Variants in TMEM117 observed in about 807,000 individuals in gnomAD.
The protein encoded by TMEM117 is transmembrane protein 117.
In TMEM117, 27 loss-of-function variants were observed where a neutral mutation model predicts 52.4. That is an observed-to-expected ratio of 0.51 (90% CI 0.38 to 0.71). The LOEUF is 0.71. TMEM117 is among the 30% of genes least tolerant of loss of function. The pLI, the probability that TMEM117 is intolerant of heterozygous loss-of-function variation, is 0.00. For missense variants in TMEM117, 556 were observed against 630.5 expected (o/e 0.88, Z 1.26); for synonymous variants, 215 against 206.3 (o/e 1.04, Z -0.36).
rs375724764 is a variant in TMEM117, at chr12:43,867,480, C to T, written c.277+22552C>T. On this transcript the variant is annotated intron_variant, in intron 2 of 7. Transcript: ENST00000266534. ...AGCAAAGTGGTAGACCTAAATCCAA[C>T]TGTATAATTTTTTACGCAGAAAAAC... is the stretch of plus-strand genomic sequence containing the variant. Among the ~76,000 whole-genome samples the T allele has an allele frequency of 9.9e-5, 15 of 152,278 alleles. 2 individuals carry two copies. The South Asian group carries it at 3.1e-3, about 32-fold the overall frequency.
At chr12:44,007,638 C>G (rs937032150) in intron 3 of TMEM117, among the ~76,000 whole-genome samples, 1 of 152,136 alleles carries the variant, frequency 6.6e-6, no homozygotes, top group South Asian at 2.1e-4. Context: ...TGGCTGTGTC[C>G]CCACCCAAAT....
At chr12:44,152,641 T>G (rs1462675320) in intron 4 of TMEM117, among the ~76,000 whole-genome samples, 195 of 129,430 alleles carry the variant, frequency 1.5e-3, no homozygotes, top group Non-Finnish European at 2.8e-3. Flanking sequence ...ATATATAAAT[T>G]TTTATATATA....
intron 3 of TMEM117, among the ~76,000 whole-genome samples, chr12:44,026,485 C>A (rs976156245): frequency 6.6e-6 from 1 of 152,180 alleles, no homozygotes; most frequent in Admixed American, 6.6e-5. Context: ...CCCTGACCTT[C>A]TCATCAGTGG....
At chr12:43,831,633 T>G (rs1188630231), upstream of TMEM117, among the ~76,000 whole-genome samples, 6 of 151,248 alleles carry the variant, frequency 4.0e-5, no homozygotes, top group Admixed American at 3.3e-4. Flanking sequence ...AACCTCCACC[T>G]CCCAGGTTCA....
At chr12:44,202,579 A>C (rs751030549) in intron 4 of TMEM117, among the ~76,000 whole-genome samples, 4 of 152,190 alleles carry the variant, frequency 2.6e-5, no homozygotes, top group Non-Finnish European at 5.9e-5. Context: ...GTGTATGTTC[A>C]TCAGGGATAC....
At chr12:43,983,143 T>A (rs1945788217) in intron 3 of TMEM117, among the ~76,000 whole-genome samples, 1 of 152,168 alleles carries the variant, frequency 6.6e-6, no homozygotes, top group South Asian at 2.1e-4. Flanking sequence ...TGACATGCTT[T>A]AAGATGACCT....
Position 44,170,215 on chromosome 12 carries a change from G to A in TMEM117, c.510+26591G>A, listed in dbSNP as rs1333775169. Among the ~76,000 whole-genome samples the A allele has an allele frequency of 2.0e-5, 3 of 146,860 alleles. No individual in the cohort carries two copies. In the East Asian group the frequency reaches 6.1e-4, roughly 30 times the overall value. On this transcript the variant is annotated intron_variant, in intron 4 of 7. Transcript: ENST00000266534. ...AAGGACAAAAAACCAAACACCACAT[G>A]TTCTCACTCATAGGTGGGAATTGAA... is the stretch of plus-strand genomic sequence containing the variant.
chr12:44,258,357 T>C (rs1950283684), intron 5 of TMEM117, among the ~76,000 whole-genome samples: 2 of 152,166 alleles, frequency 1.3e-5, no homozygotes, highest in Admixed American at 1.3e-4. Flanking sequence ...ATGGCTGTTC[T>C]ATTTCTTTCA....
intron 3 of TMEM117, among the ~76,000 whole-genome samples, chr12:44,020,360 G>A (rs1272907100): frequency 6.6e-6 from 1 of 152,066 alleles, no homozygotes; most frequent in East Asian, 1.9e-4. Flanking sequence ...ATCCACCTTC[G>A]ATGTATTCTC....
intron 5 of TMEM117, among the ~76,000 whole-genome samples, chr12:44,243,415 T>C (rs1950088602): frequency 6.6e-6 from 1 of 151,886 alleles, no homozygotes; most frequent in Non-Finnish European, 1.5e-5. Flanking sequence ...CCTGAAAATG[T>C]AAAAATTAGA....
chr12:43,846,391 G>A (rs1943208714), intron 2 of TMEM117, among the ~76,000 whole-genome samples: 1 of 152,142 alleles, frequency 6.6e-6, no homozygotes, highest in Non-Finnish European at 1.5e-5. Flanking sequence ...CACTGAAAAT[G>A]AATTTTTATT....
chr12:44,082,907 G>GTGTA (rs1329085464), intron 3 of TMEM117, among the ~76,000 whole-genome samples: 78 of 152,196 alleles, frequency 5.1e-4, no homozygotes, highest in African/African-American at 1.7e-3. Context: ...GTGTATGTGT[G>GTGTA]TGTATGTGTA....
chr12:44,047,490 A>C (rs1266810237), intron 3 of TMEM117, among the ~76,000 whole-genome samples: 1 of 152,154 alleles, frequency 6.6e-6, no homozygotes, highest in Non-Finnish European at 1.5e-5. Context: ...CCCCCAAATC[A>C]CCTACCTTCA....
intron 1 of TMEM117, among the ~76,000 whole-genome samples, chr12:43,841,502 A>G (rs1401607695): frequency 6.6e-6 from 1 of 152,220 alleles, no homozygotes; most frequent in Non-Finnish European, 1.5e-5. Flanking sequence ...TCTTCCCTAA[A>G]TAATATAAAT....
chr12:44,267,497 C>G (rs1302441690), intron 5 of TMEM117, among the ~76,000 whole-genome samples: 1 of 152,080 alleles, frequency 6.6e-6, no homozygotes, highest in African/African-American at 2.4e-5. Context: ...AAAGTTTGCT[C>G]CCAATTTCTT....
chr12:43,929,094 C>A (rs1433574933), intron 2 of TMEM117, among the ~76,000 whole-genome samples: 1 of 151,646 alleles, frequency 6.6e-6, no homozygotes, highest in Non-Finnish European at 1.5e-5. Context: ...ATTTATAGTC[C>A]TTTGGGTATA....
chr12:44,239,491 T>C (rs1162798698), intron 5 of TMEM117, among the ~76,000 whole-genome samples: 2 of 152,176 alleles, frequency 1.3e-5, no homozygotes, highest in African/African-American at 2.4e-5. Flanking sequence ...ACAGAAATTG[T>C]TATTTTTGTA....
intron 3 of TMEM117, among the ~76,000 whole-genome samples, chr12:44,115,490 T>G (rs1948125575): frequency 6.6e-6 from 1 of 152,126 alleles, no homozygotes; most frequent in Non-Finnish European, 1.5e-5. Flanking sequence ...CCTGATCAAC[T>G]CTGACTTTCT....
chr12:44,169,559 T>C (rs534882541), intron 4 of TMEM117, among the ~76,000 whole-genome samples: 35 of 152,266 alleles, frequency 2.3e-4, no homozygotes, highest in African/African-American at 8.4e-4. Context: ...TTTCTTTTGT[T>C]AAGTTTTAGG....
Sources: gnomAD v4.1 joint callset for allele counts (sites outside exome capture counted in the v4.1 genomes callset) on GRCh38, gnomAD v4.1.1 for gene constraint, MANE v1.5 for transcripts, NCBI Gene and HGNC (gene_info 2026-07-23, HGNC 2026-07-21) for gene names.